The following KLHL26 variants were observed in gnomAD, a reference collection of about 807,000 sequenced individuals.
KLHL26 encodes the protein kelch-like protein 26.
A neutral mutation model predicts 7.1 loss-of-function variants in KLHL26; 4 were observed. The ratio of observed to expected loss-of-function variants is 0.56; its 90% CI spans 0.28 to 1.28. The LOEUF is 1.28. Among genes scored for constraint, KLHL26 ranks in the 50% most tolerant of loss-of-function variants. The pLI is 0.11. For missense variants in KLHL26, 896 were observed against 924.6 expected, an observed-to-expected ratio of 0.97 and a Z score of 0.40; for synonymous variants, 465 against 414.1, an observed-to-expected ratio of 1.12 and a Z score of -1.49.
In KLHL26 at chr19:18,669,333, C is replaced by T. The variant is rs993147219; in HGVS notation, c.*88C>T. On this transcript the variant is annotated 3_prime_UTR_variant, in exon 3 of 3. Transcript: ENST00000300976. ...GCACGTCTGCCTGAGAACCCCAGTG[C>T]CCCCCTTCGCCCGGGCTGCCCTTGA... 3.8e-6 allele frequency: 4 copies of T among 1,045,426 alleles called. No homozygotes were observed. Among genetic ancestry groups the T allele is most frequent in the African/African-American group, 1.6e-5 (1 of 63,226 alleles). The allele number at this position is 1,045,426 out of a possible 1,614,324, so 64.8% of individuals were successfully genotyped here.
chr19:18,664,410 A>G lies in KLHL26; in HGVS notation c.233A>G (p.Lys78Arg), dbSNP rs763458992. ...TINREAFPAH[K>R]VVLAACSDYF... ...AACAGAGAGGCCTTTCCTGCACACA[A>G]GGTCGTCCTGGCTGCCTGCAGCGAC... The change falls in exon 2 of 3, where the codon AAG becomes AGG. Residue 78 changes from lysine to arginine, a missense_variant. Physicochemically the swap from Lys to Arg is conservative, Grantham distance 26. Coordinates refer to ENST00000300976, the MANE Select transcript of KLHL26 (RefSeq NM_018316.3). 24 of 1,598,426 alleles carry G rather than the reference A, an allele frequency of 1.5e-5. No homozygotes were observed. The Admixed American group carries it at 2.2e-4, about 15-fold the overall frequency.
intron 2 of KLHL26, 179 bp from the exon 3 acceptor site, chr19:18,667,485 T>G: frequency 1.1e-5 from 12 of 1,110,134 alleles, no homozygotes; most frequent in Non-Finnish European, 1.5e-5. Context: ...ATTACAGGCA[T>G]GAGCCACCGC....
intron 1 of KLHL26, among the ~76,000 whole-genome samples, chr19:18,647,068 G>C (rs1457415812): frequency 6.6e-6 from 1 of 152,224 alleles, no homozygotes; most frequent in African/African-American, 2.4e-5. Flanking sequence ...CAGGCCACTC[G>C]ATCTGCCCCT....
intron 1 of KLHL26, among the ~76,000 whole-genome samples, chr19:18,654,866 A>G (rs1420982448): frequency 6.6e-6 from 1 of 152,114 alleles, no homozygotes; most frequent in Non-Finnish European, 1.5e-5. Flanking sequence ...CTACCTGTCC[A>G]TTCATTTGAC....
At chr19:18,639,176 A>G (rs1164253234) in intron 1 of KLHL26, among the ~76,000 whole-genome samples, 1 of 151,706 alleles carries the variant, frequency 6.6e-6, no homozygotes, top group African/African-American at 2.4e-5. Context: ...TCCAGGTTCA[A>G]GGGATTTTCC....
At position 18,648,536 on chromosome 19, in the gene KLHL26, G is replaced by A. The variant is rs547049669; in HGVS notation, c.83+11399G>A. 9.2e-5 allele frequency among the ~76,000 whole-genome samples: 14 copies of A among 152,268 alleles called. No homozygotes were observed. Among genetic ancestry groups the A allele is most frequent in the Non-Finnish European group, 1.8e-4 (12 of 68,010 alleles). ...GAAGGTCAGGGTTGTCCTTGGTCCC[G>A]CGCGGCTGCACTGCCTGCAACAAGC... On this transcript the variant is annotated intron_variant, in intron 1 of 2. Transcript: ENST00000300976. The surrounding 1 kb of genome is among the most constrained non-coding windows in gnomAD (Gnocchi z 4.9).
At chr19:18,666,490 A>G (rs1381368174) in intron 2 of KLHL26, among the ~76,000 whole-genome samples, 1 of 152,028 alleles carries the variant, frequency 6.6e-6, no homozygotes, top group East Asian at 1.9e-4. Context: ...TCTGCTGGGG[A>G]ACACCCTAAA....
chr19:18,642,671 TTTTG>T (rs962827497), intron 1 of KLHL26, among the ~76,000 whole-genome samples: 7 of 150,052 alleles, frequency 4.7e-5, no homozygotes, highest in African/African-American at 1.5e-4. Context: ...GCTTGTGGTT[TTTTG>T]TTTGTTTGTT....
At chr19:18,661,798 CGA>C (rs1163150952) in intron 1 of KLHL26, among the ~76,000 whole-genome samples, 1 of 152,080 alleles carries the variant, frequency 6.6e-6, no homozygotes, top group Admixed American at 6.6e-5. Flanking sequence ...ATAAGCCCCC[CGA>C]GAGTGTGCTT....
rs1388435042 is a variant in KLHL26, at chr19:18,650,793, G to A, written c.84-13468G>A. ...ACCTTTTCTGGGAGTCGTGGCGGAC[G>A]GAGTGGAGCCGTCTGTCTCGTCACA... On this transcript the variant is annotated intron_variant, in intron 1 of 2. Coordinates refer to ENST00000300976, the MANE Select transcript of KLHL26 (RefSeq NM_018316.3). The surrounding 1 kb of genome is among the most constrained non-coding windows in gnomAD (Gnocchi z 4.2). Among the ~76,000 whole-genome samples, 3 of 152,220 alleles carry A rather than the reference G, an allele frequency of 2.0e-5. No homozygotes were observed. Among genetic ancestry groups the A allele is most frequent in the Non-Finnish European group, 2.9e-5 (2 of 68,040 alleles).
At chr19:18,663,799 G>T (rs1413232961) in intron 1 of KLHL26, among the ~76,000 whole-genome samples, 1 of 151,498 alleles carries the variant, frequency 6.6e-6, no homozygotes, top group Non-Finnish European at 1.5e-5. Context: ...GGGCAGTAGG[G>T]GCAGTGGGGG....
chr19:18,661,075 TC>T (rs1466527206), intron 1 of KLHL26, among the ~76,000 whole-genome samples: 1 of 152,172 alleles, frequency 6.6e-6, no homozygotes, highest in Non-Finnish European at 1.5e-5. Flanking sequence ...CGTTTGCTCA[TC>T]TCATCCTCCA....
chr19:18,668,742 C>T lies in KLHL26; in HGVS notation c.1345C>T (p.Arg449Cys), dbSNP rs1264696113. 10 of 1,584,970 alleles carry T rather than the reference C, an allele frequency of 6.3e-6. No homozygotes were observed. The highest frequency in any genetic ancestry group is 1.1e-5 in the South Asian group (1 of 88,792). Residue 449 changes from arginine to cysteine, a missense_variant, in exon 3 of 3, where the codon CGT becomes TGT. Coordinates refer to ENST00000300976, the MANE Select transcript of KLHL26 (RefSeq NM_018316.3). ...GGGCTACGCCTGCTCGCTGAAGCGC[C>T]GTACCTGGGGCCATGCTGGGGCCGC... is the stretch of plus-strand genomic sequence containing the variant. ...EWGYACSLKR[R>C]TWGHAGAASG...
At position 18,669,443 on chromosome 19, in the gene KLHL26, G is replaced by T; in HGVS notation, c.*198G>T. On this transcript the variant is annotated 3_prime_UTR_variant, in exon 3 of 3. Coordinates refer to ENST00000300976, the MANE Select transcript of KLHL26 (RefSeq NM_018316.3). ...GCAGATCCTGGCTGCGAGTCCATCCGAGGGAGCCTGCCGGCAAAGCGTCTG... is the reference window on the plus strand; with the variant it reads ...GCAGATCCTGGCTGCGAGTCCATCCTAGGGAGCCTGCCGGCAAAGCGTCTG... 3.4e-6 allele frequency: 2 copies of T among 589,662 alleles called. No homozygotes were observed. The highest frequency in any genetic ancestry group is 2.1e-5 in the South Asian group (1 of 48,312). 36.5% of individuals were successfully genotyped at this position (589,662 alleles called of 1,614,324 possible).
At chr19:18,640,985 T>C (rs1976702293) in intron 1 of KLHL26, among the ~76,000 whole-genome samples, 1 of 152,138 alleles carries the variant, frequency 6.6e-6, no homozygotes. Flanking sequence ...GCCATTCTTA[T>C]AGGTGTGTGC....
At chr19:18,658,640 G>A (rs548313547) in intron 1 of KLHL26, among the ~76,000 whole-genome samples, 104 of 143,218 alleles carry the variant, frequency 7.3e-4, no homozygotes, top group African/African-American at 2.4e-3. Context: ...CCTGTCTCTA[G>A]GTCTCTGTCT....
chr19:18,665,347 C>T (rs552536087), intron 2 of KLHL26, among the ~76,000 whole-genome samples: 6 of 152,356 alleles, frequency 3.9e-5, no homozygotes, highest in South Asian at 2.1e-4. Context: ...TGAGCCACTG[C>T]GCCCAGCCCA....
intron 1 of KLHL26, among the ~76,000 whole-genome samples, chr19:18,643,271 C>T (rs1976746415): frequency 6.6e-6 from 1 of 151,164 alleles, no homozygotes; most frequent in African/African-American, 2.4e-5. Flanking sequence ...ATGGTGAAAC[C>T]GCTTCTCTAC....
rs1279281589 is a variant in KLHL26, at chr19:18,658,965, C to T, written c.84-5296C>T. On this transcript the variant is annotated intron_variant, in intron 1 of 2. Transcript: ENST00000300976. The stretch of plus-strand genomic sequence containing the variant: ...TCTCTCTGGGTGCCTGTCTCCTTCT[C>T]TCTGGGTCTCTGTCTCCTTCTCTCT... Among the ~76,000 whole-genome samples, 4 of 151,534 alleles carry T rather than the reference C, an allele frequency of 2.6e-5. No homozygotes were observed. In the East Asian group the frequency reaches 7.7e-4, roughly 29 times the overall value.
Sources: gnomAD v4.1 joint callset for allele counts (sites outside exome capture counted in the v4.1 genomes callset) on GRCh38, gnomAD v4.1.1 for gene constraint, Gnocchi (gnomAD v3.1) non-coding constraint, MANE v1.5 for transcripts, NCBI Gene and HGNC (gene_info 2026-07-23, HGNC 2026-07-21) for gene names.